Variants in ENDOU observed in about 807,000 individuals in gnomAD.
ENDOU encodes the protein uridylate-specific endoribonuclease.
Under a neutral mutation model 54.2 loss-of-function variants are expected in ENDOU, and 49 were observed. The ratio of observed to expected loss-of-function variants is 0.90; its 90% CI spans 0.72 to 1.15. The LOEUF is 1.15. Among genes scored for constraint, ENDOU ranks in the 50% most tolerant of loss-of-function variants. ENDOU has a pLI of 0.00. For synonymous variants in ENDOU, 172 were observed against 190.5 expected (o/e 0.90, Z 0.80); for missense variants, 458 against 511.4 (o/e 0.90, Z 1.01).
In ENDOU at chr12:47,723,932, C is replaced by T. The variant is rs181693880; in HGVS notation, c.55+1427G>A. Among the ~76,000 whole-genome samples the T allele has an allele frequency of 1.8e-4, 28 of 152,310 alleles. 1 individual carries two copies. The highest frequency in any genetic ancestry group is 6.5e-4 in the African/African-American group (27 of 41,554). ...ATTCCCCATGTGATTCATATTCTTG[C>T]CTCTCAGTTCTGAGATGTTGGGATA... On this transcript the variant is annotated intron_variant, in intron 1 of 9. Coordinates refer to ENST00000422538, the MANE Select transcript of ENDOU (RefSeq NM_001172439.2).
intron 5 of ENDOU, 133 bp from the exon 6 acceptor site, chr12:47,716,632 C>T (rs1327850090): frequency 3.8e-6 from 3 of 792,542 alleles, no homozygotes; most frequent in East Asian, 5.3e-5. Flanking sequence ...TTCGGGTACT[C>T]TTGAAAGTCA....
intron 2 of ENDOU, 27 bp downstream of exon 2, chr12:47,720,726 A>G: frequency 3.3e-6 from 5 of 1,534,928 alleles, no homozygotes; most frequent in Non-Finnish European, 4.4e-6. Context: ...CAGGCTGGAC[A>G]TGCCTTCGTC....
chr12:47,712,981 C>G (rs1410255805), intron 7 of ENDOU, among the ~76,000 whole-genome samples: 1 of 152,102 alleles, frequency 6.6e-6, no homozygotes, highest in African/African-American at 2.4e-5. Context: ...AAGGACTGTT[C>G]AGAGGTAGGC....
In ENDOU at chr12:47,711,642, G is replaced by C; in HGVS notation, c.1106C>G (p.Pro369Arg). The C allele has an allele frequency of 6.2e-7, 1 of 1,613,422 alleles. No homozygotes were observed. The highest frequency in any genetic ancestry group is 8.5e-7 in the Non-Finnish European group (1 of 1,179,814). Residue 369 changes from proline (P) to arginine (R), a missense_variant, in exon 9 of 10, where the codon CCA (proline) becomes CGA (arginine). Pro to Arg is a moderately radical substitution (Grantham distance 103, BLOSUM62 -2). Transcript: ENST00000422538. ...CTGGCCCCATTCTTACACTTTGCCTGGCCTGGCGATGAAGCACAGGGAGTA... is the reference window on the plus strand; with the variant it reads ...CTGGCCCCATTCTTACACTTTGCCTCGCCTGGCGATGAAGCACAGGGAGTA... ...ALYSLCFIAR[P>R]GKVCQLSLGG...
intron 8 of ENDOU, among the ~76,000 whole-genome samples, chr12:47,712,038 A>T (rs1042218485): frequency 1.1e-4 from 17 of 152,298 alleles, no homozygotes; most frequent in African/African-American, 3.6e-4. Context: ...CCACCTCTGG[A>T]TATCAAGGAT....
rs776990020 is a variant in ENDOU, at chr12:47,711,665, G to A, written c.1083C>T (p.Tyr361=). ...CTGGCCTGGCGATGAAGCACAGGGA[G>A]TAGAGTGCAAACTCAAACTCAGGGC... ...GSSPEFEFAL[Y]SLCFIARPGK... The change falls in exon 9 of 10, where the codon TAC becomes TAT. Residue 361 remains tyrosine (Y), a synonymous_variant. Transcript: ENST00000422538. 3.7e-6 allele frequency: 6 copies of A among 1,614,030 alleles called. No homozygotes were observed. Among genetic ancestry groups the A allele is most frequent in the Non-Finnish European group, 4.2e-6 (5 of 1,179,980 alleles).
At chr12:47,722,781 G>A (rs1940474491) in intron 1 of ENDOU, among the ~76,000 whole-genome samples, 1 of 152,208 alleles carries the variant, frequency 6.6e-6, no homozygotes, top group African/African-American at 2.4e-5. Context: ...ATTGGGTCAA[G>A]GTTAACCCGG....
rs767465423 is a variant in ENDOU, at chr12:47,710,734, C to G, written c.*68G>C. The G allele has an allele frequency of 2.8e-6, 3 of 1,060,986 alleles. No individual in the cohort carries two copies. Among genetic ancestry groups the G allele is most frequent in the Non-Finnish European group, 4.4e-6 (3 of 676,090 alleles). 65.7% of individuals were successfully genotyped at this position (1,060,986 alleles called of 1,614,324 possible). A position where few individuals can be genotyped will look rare whatever the true frequency, so the allele number is the denominator to read the frequency against. On this transcript the variant is annotated 3_prime_UTR_variant, in exon 10 of 10. Coordinates refer to ENST00000422538, the MANE Select transcript of ENDOU (RefSeq NM_001172439.2). ...CCTTCCAGTCCTCTCCCTCTTCTCT[C>G]TAGTCCAGAGAAGATAGCACTTCAG...
At position 47,720,824 on chromosome 12, in the gene ENDOU, G is replaced by A. The variant is rs1940409485; in HGVS notation, c.107C>T (p.Ala36Val). Residue 36 changes from alanine to valine, a missense_variant, in exon 2 of 10, where the codon GCT becomes GTT. Coordinates refer to ENST00000422538, the MANE Select transcript of ENDOU (RefSeq NM_001172439.2). ...ACACCGGCGGTCACACTGGCAGGCA[G>A]CGTCCCGGTTAAATTTCTCATTACA... ...SRCNEKFNRD[A>V]ACQCDRRCLW... is the part of the protein sequence containing the mutation. 1 of 1,536,142 alleles carries A rather than the reference G, an allele frequency of 6.5e-7. No individual in the cohort carries two copies. The highest frequency in any genetic ancestry group is 8.7e-7 in the Non-Finnish European group (1 of 1,146,900).
At chr12:47,714,691 G>T (rs1010910454) in intron 6 of ENDOU, among the ~76,000 whole-genome samples, 1 of 152,210 alleles carries the variant, frequency 6.6e-6, no homozygotes, top group Non-Finnish European at 1.5e-5. Context: ...ACCCAGAGAG[G>T]AGCAGGTATT....
intron 1 of ENDOU, among the ~76,000 whole-genome samples, chr12:47,724,220 A>G (rs1342812005): frequency 1.3e-5 from 2 of 151,970 alleles, no homozygotes; most frequent in African/African-American, 4.8e-5. Flanking sequence ...CTTCCTCCCA[A>G]CCAACAGGGC....
chr12:47,711,769 A>C lies in ENDOU; in HGVS notation c.979T>G (p.Ser327Ala), dbSNP rs775716819. Residue 327 changes from serine (S) to alanine (A), a missense_variant, in exon 9 of 10, where the codon TCT (serine) becomes GCT (alanine). Coordinates refer to ENST00000422538, the MANE Select transcript of ENDOU (RefSeq NM_001172439.2). ...TGCATTGCCAGCACATCGGGGTAAGAATCCCACTGTGGAGGGAAGGGCAGA... is the reference window on the plus strand; with the variant it reads ...TGCATTGCCAGCACATCGGGGTAAGCATCCCACTGTGGAGGGAAGGGCAGA... ...YSHIYDGPWD[S>A]YPDVLAMQFN... The C allele has an allele frequency of 1.2e-6, 2 of 1,614,156 alleles. No individual in the cohort carries two copies. The highest frequency in any genetic ancestry group is 1.7e-6 in the Non-Finnish European group (2 of 1,180,026).
chr12:47,712,018 T>C (rs907559336), intron 8 of ENDOU, among the ~76,000 whole-genome samples: 2 of 152,120 alleles, frequency 1.3e-5, no homozygotes, highest in Admixed American at 1.3e-4. Flanking sequence ...AAAATCACTA[T>C]CCATAGGATC....
chr12:47,717,862 T>C, intron 3 of ENDOU: 1 of 610,584 alleles, frequency 1.6e-6, no homozygotes, highest in South Asian at 2.1e-5. Context: ...CCTGCTGTTT[T>C]TCTAATCTTC....
At position 47,713,113 on chromosome 12, in the gene ENDOU, C is replaced by T. The variant is rs547684310; in HGVS notation, c.865+162G>A. Among the ~76,000 whole-genome samples the T allele has an allele frequency of 6.2e-3, 881 of 142,904 alleles. 5 individuals are homozygous for T. The highest frequency in any genetic ancestry group is 9.6e-3 in the Non-Finnish European group (650 of 67,874). 93.8% of individuals were successfully genotyped at this position (142,904 alleles called of 152,430 possible). On this transcript the variant is annotated intron_variant, in intron 7 of 9. Transcript: ENST00000422538. ...GTTTCTCAGAATGGCTCCTCAGACACCCCCCCGCCCCCCTGCCATATGGGC... is the reference window on the plus strand; with the variant it reads ...GTTTCTCAGAATGGCTCCTCAGACATCCCCCCGCCCCCCTGCCATATGGGC...
At position 47,710,200 on chromosome 12, in the gene ENDOU, T is replaced by C. The variant is rs1939934841; in HGVS notation, c.*602A>G. The C allele has an allele frequency of 6.6e-6, 1 of 152,340 alleles. No individual in the cohort carries two copies. Among genetic ancestry groups the C allele is most frequent in the African/African-American group, 2.4e-5 (1 of 41,430 alleles). 9.4% of individuals were successfully genotyped at this position (152,340 alleles called of 1,614,324 possible). A position where few individuals can be genotyped will look rare whatever the true frequency, so the allele number is the denominator to read the frequency against. On this transcript the variant is annotated 3_prime_UTR_variant, in exon 10 of 10. Transcript: ENST00000422538. ...AGCATTGGAGTTCTCCCAGACTCTG[T>C]TCTGAGAGGATCTAACTCTGGAAAA...
chr12:47,710,878 G>T lies in ENDOU; in HGVS notation c.1157C>A (p.Thr386Lys). 1 of 1,614,094 alleles carries T rather than the reference G, an allele frequency of 6.2e-7. No homozygotes were observed. Among genetic ancestry groups the T allele is most frequent in the Non-Finnish European group, 8.5e-7 (1 of 1,179,950 alleles). The change falls in exon 10 of 10, where the codon ACA becomes AAA. Residue 386 changes from threonine (T) to lysine (K), a missense_variant. By Grantham distance (78) the Thr-to-Lys change is moderately conservative (BLOSUM62 -1). Coordinates refer to ENST00000422538, the MANE Select transcript of ENDOU (RefSeq NM_001172439.2). The stretch of plus-strand genomic sequence containing the variant: ...ATAGGTGGACTTGTCCCAGGTATAT[G>T]TCCGGACAGCTAAGGGATATCCTCC... Reference protein sequence around the residue: ...SLGGYPLAVRTYTWDKSTYGN... With the variant: ...SLGGYPLAVRKYTWDKSTYGN...
rs1939927979 is a variant in ENDOU at position 47,710,057 on chromosome 12, C to T, written c.*745G>A. 6.6e-6 allele frequency: 1 copy of T among 152,178 alleles called. No individual in the cohort carries two copies. Among genetic ancestry groups the T allele is most frequent in the Non-Finnish European group, 1.5e-5 (1 of 68,028 alleles). The allele number at this position is 152,178 out of a possible 1,614,324, so 9.4% of individuals were successfully genotyped here. Reference sequence around the variant, plus strand: ...CAAGTCTGTGGCTGCACTAAACATCCACAAGTGGGAAACTTCTTGTTGCAG... The same window carrying T: ...CAAGTCTGTGGCTGCACTAAACATCTACAAGTGGGAAACTTCTTGTTGCAG... On this transcript the variant is annotated 3_prime_UTR_variant, in exon 10 of 10. Coordinates refer to ENST00000422538, the MANE Select transcript of ENDOU (RefSeq NM_001172439.2).
In ENDOU at chr12:47,710,625, T is replaced by C; in HGVS notation, c.*177A>G. 1.7e-6 allele frequency: 1 copy of C among 585,300 alleles called. No individual in the cohort carries two copies. Among genetic ancestry groups the C allele is most frequent in the Non-Finnish European group, 3.1e-6 (1 of 322,782 alleles). 36.3% of individuals were successfully genotyped at this position (585,300 alleles called of 1,614,324 possible). ...AAGGTTTGACTGTTTATCCACATTT[T>C]TCTAATTTGTACATTTTATCTCTTT... On this transcript the variant is annotated 3_prime_UTR_variant, in exon 10 of 10. Coordinates refer to ENST00000422538, the MANE Select transcript of ENDOU (RefSeq NM_001172439.2).
Sources: gnomAD v4.1 joint callset for allele counts (sites outside exome capture counted in the v4.1 genomes callset) on GRCh38, gnomAD v4.1.1 for gene constraint, MANE v1.5 for transcripts, NCBI Gene and HGNC (gene_info 2026-07-23, HGNC 2026-07-21) for gene names.